CDK6: variants seen among roughly 807,000 people sequenced by gnomAD.
The protein encoded by CDK6 is cyclin dependent kinase 6, also known as cyclin-dependent kinase 6.
CDK6 carries 6 observed loss-of-function variants against 37.1 expected under a neutral mutation model. The ratio of observed to expected loss-of-function variants is 0.16; its 90% CI spans 0.09 to 0.32. The LOEUF (loss-of-function observed/expected upper bound fraction) is 0.32. Ranked by LOEUF, CDK6 falls within the 10% of genes least tolerant of loss-of-function variation. CDK6 has a pLI of 1.00. For missense variants in CDK6, 224 were observed against 418.9 expected (o/e 0.53, Z 4.06); for synonymous variants, 160 against 161.3 (o/e 0.99, Z 0.06).
chr7:92,788,796 C>A (rs568052928), intron 2 of CDK6, among the ~76,000 whole-genome samples: 3 of 152,208 alleles, frequency 2.0e-5, no homozygotes, highest in African/African-American at 7.2e-5. Flanking sequence ...CTATGGAGGG[C>A]AGAAGGCAGT....
chr7:92,610,269 T>C lies in CDK6; in HGVS notation c.*4871A>G. 1 of 232,414 alleles carries C rather than the reference T, an allele frequency of 4.3e-6. No homozygotes were observed. Among genetic ancestry groups the C allele is most frequent in the East Asian group, 6.1e-5 (1 of 16,370 alleles). The allele number at this position is 232,414 out of a possible 1,614,324, so 14.4% of individuals were successfully genotyped here. ...CCTGTATTTATTTTCAGGTGGCTCT[T>C]GTTTTCTTCCTAAGGCTAGACAAGG... On this transcript the variant is annotated 3_prime_UTR_variant, in exon 8 of 8. Transcript: ENST00000424848.
Position 92,606,110 on chromosome 7 carries a change from T to A in CDK6, c.*9030A>T, listed in dbSNP as rs538461246. ...GTACCCTGATATGAAAATAGCAGAATGAATTTCAAGTATGAAGAAATACAG... is the reference window on the plus strand; with the variant it reads ...GTACCCTGATATGAAAATAGCAGAAAGAATTTCAAGTATGAAGAAATACAG... On this transcript the variant is annotated 3_prime_UTR_variant, in exon 8 of 8. Coordinates refer to ENST00000424848, the MANE Select transcript of CDK6 (RefSeq NM_001145306.2). 58 of 233,630 alleles carry A rather than the reference T, an allele frequency of 2.5e-4. 1 individual carries two copies. The highest frequency in any genetic ancestry group is 2.5e-3 in the Middle Eastern group (2 of 786). The allele number at this position is 233,630 out of a possible 1,614,324, so 14.5% of individuals were successfully genotyped here.
rs1040562713 is a variant in CDK6 at position 92,607,684 on chromosome 7, T to C, written c.*7456A>G. On this transcript the variant is annotated 3_prime_UTR_variant, in exon 8 of 8. Transcript: ENST00000424848. ...AGAAATAAATAACATACATGAATAA[T>C]AATAGAAATAATTTATGCAAATGTA... is the stretch of plus-strand genomic sequence containing the variant. 3.0e-5 allele frequency: 7 copies of C among 232,692 alleles called. No homozygotes were observed. The highest frequency in any genetic ancestry group is 1.8e-4 in the South Asian group (1 of 5,522). The allele number at this position is 232,692 out of a possible 1,614,324, so 14.4% of individuals were successfully genotyped here.
chr7:92,640,036 GT>G (rs1017238078), intron 5 of CDK6, among the ~76,000 whole-genome samples: 1 of 152,186 alleles, frequency 6.6e-6, no homozygotes, highest in Non-Finnish European at 1.5e-5. Context: ...TATGTTTAAT[GT>G]ATATATAGAT....
chr7:92,657,175 G>A (rs189828034), intron 5 of CDK6, among the ~76,000 whole-genome samples: 287 of 152,190 alleles, frequency 1.9e-3, no homozygotes, highest in Middle Eastern at 3.4e-3. Flanking sequence ...TCAAAAGTGG[G>A]TGGCTTCTGG....
intron 3 of CDK6, among the ~76,000 whole-genome samples, chr7:92,767,671 C>T (rs1322713086): frequency 6.6e-6 from 1 of 152,058 alleles, no homozygotes; most frequent in Non-Finnish European, 1.5e-5. Flanking sequence ...CCCCTGTCTA[C>T]TCTCAGGCTG....
intron 5 of CDK6, among the ~76,000 whole-genome samples, chr7:92,661,067 G>A (rs1449171190): frequency 2.6e-5 from 4 of 152,182 alleles, no homozygotes; most frequent in South Asian, 2.1e-4. Context: ...AGTGAGGACA[G>A]GGAGGCTTTC....
chr7:92,629,158 A>G (rs1795997141), intron 5 of CDK6, among the ~76,000 whole-genome samples: 1 of 152,106 alleles, frequency 6.6e-6, no homozygotes, highest in East Asian at 1.9e-4. Context: ...TCCGTCACAG[A>G]GACCCAGACT....
At chr7:92,698,064 T>C (rs1562939295) in intron 4 of CDK6, among the ~76,000 whole-genome samples, 1 of 148,810 alleles carries the variant, frequency 6.7e-6, no homozygotes, top group East Asian at 2.0e-4. Context: ...AATCTTGTCT[T>C]AAAAAAAAAA....
chr7:92,743,345 C>T (rs1276985650), intron 3 of CDK6, among the ~76,000 whole-genome samples: 1 of 150,992 alleles, frequency 6.6e-6, no homozygotes, highest in Non-Finnish European at 1.5e-5. Context: ...CATTGCACTC[C>T]AGCCTGGGTG....
At chr7:92,636,726 C>G (rs756668060) in intron 5 of CDK6, among the ~76,000 whole-genome samples, 1 of 152,122 alleles carries the variant, frequency 6.6e-6, no homozygotes, top group Admixed American at 6.5e-5. Context: ...AGTGCAGTGG[C>G]GCAATCTTGG....
intron 3 of CDK6, among the ~76,000 whole-genome samples, chr7:92,740,891 A>G (rs1403046473): frequency 6.6e-6 from 1 of 152,140 alleles, no homozygotes; most frequent in Non-Finnish European, 1.5e-5. Context: ...GCCCCTCTGC[A>G]ACTCCTCAAG....
At chr7:92,648,618 A>G (rs1468475124) in intron 5 of CDK6, among the ~76,000 whole-genome samples, 1 of 152,196 alleles carries the variant, frequency 6.6e-6, no homozygotes, top group African/African-American at 2.4e-5. Context: ...ACTACAAATT[A>G]TTTTATAAAA....
chr7:92,652,314 G>A (rs912088645), intron 5 of CDK6, among the ~76,000 whole-genome samples: 2 of 152,112 alleles, frequency 1.3e-5, no homozygotes. Flanking sequence ...GCCTTAAGGG[G>A]ACTGTAATTT....
chr7:92,808,609 A>G (rs1416021925), intron 2 of CDK6, among the ~76,000 whole-genome samples: 1 of 152,174 alleles, frequency 6.6e-6, no homozygotes, highest in Non-Finnish European at 1.5e-5. Context: ...TTAAATCATC[A>G]ATGGAGTTAA....
chr7:92,695,240 C>T (rs1289882860), intron 4 of CDK6, among the ~76,000 whole-genome samples: 1 of 147,864 alleles, frequency 6.8e-6, no homozygotes, highest in Non-Finnish European at 1.5e-5. Context: ...AGTCTCATAG[C>T]TTCTTTGTTG....
intron 4 of CDK6, among the ~76,000 whole-genome samples, chr7:92,680,416 A>G (rs1235570499): frequency 7.0e-6 from 1 of 142,294 alleles, no homozygotes; most frequent in Non-Finnish European, 1.5e-5. Flanking sequence ...TGGGCCAACA[A>G]GAGTGAAATT....
intron 5 of CDK6, among the ~76,000 whole-genome samples, chr7:92,629,050 G>C (rs1014066476): frequency 2.0e-5 from 3 of 152,034 alleles, no homozygotes; most frequent in Non-Finnish European, 4.4e-5. Context: ...GTCCAGAAAG[G>C]GAGAAGGGCT....
At chr7:92,724,279 A>T (rs2116706072) in intron 4 of CDK6, among the ~76,000 whole-genome samples, 1 of 152,304 alleles carries the variant, frequency 6.6e-6, no homozygotes, top group East Asian at 1.9e-4. Flanking sequence ...CCTATCTTTT[A>T]AACATCAACT....
Sources: gnomAD v4.1 joint callset for allele counts (sites outside exome capture counted in the v4.1 genomes callset) on GRCh38, gnomAD v4.1.1 for gene constraint, MANE v1.5 for transcripts, NCBI Gene and HGNC (gene_info 2026-07-23, HGNC 2026-07-21) for gene names.